Variants in L3MBTL1 observed in about 807,000 individuals in gnomAD.
The protein encoded by L3MBTL1 is lethal(3)malignant brain tumor-like protein 1.
A neutral mutation model predicts 105.3 loss-of-function variants in L3MBTL1; 75 were observed. The ratio of observed to expected loss-of-function variants is 0.71; its 90% CI spans 0.59 to 0.86. L3MBTL1 has a LOEUF of 0.86. Ranked by LOEUF, L3MBTL1 falls within the 40% of genes least tolerant of loss-of-function variation. L3MBTL1 has a pLI of 0.00. For missense variants in L3MBTL1, 1,069 were observed against 1,126.4 expected (o/e 0.95, Z 0.73); for synonymous variants, 452 against 436.2 (o/e 1.04, Z -0.45).
intron 1 of L3MBTL1, among the ~76,000 whole-genome samples, chr20:43,511,633 T>A (rs1360684524): frequency 6.6e-6 from 1 of 151,556 alleles, no homozygotes; most frequent in Admixed American, 6.6e-5. Context: ...ATACAAAAAA[T>A]AGCCAGGCTA....
chr20:43,530,355 C>T lies in L3MBTL1; in HGVS notation c.1128C>T (p.Asn376=). 1 of 1,614,162 alleles carries T rather than the reference C, an allele frequency of 6.2e-7. No homozygotes were observed. Among genetic ancestry groups the T allele is most frequent in the South Asian group, 1.1e-5 (1 of 91,080 alleles). The part of the protein sequence containing the change: ...SECHDFWVNA[N]SPDIHPAGWF... ...GCCATGACTTCTGGGTCAATGCCAA[C>T]TCCCCTGACATTCACCCTGCTGGCT... Residue 376 remains asparagine (N), a synonymous_variant, in exon 10 of 22, where the codon AAC becomes AAT. Transcript: ENST00000418998.
At chr20:43,530,568 C>T in intron 10 of L3MBTL1, 149 bp downstream of exon 10, 2 of 965,136 alleles carry the variant, frequency 2.1e-6, no homozygotes, top group South Asian at 1.7e-5. Flanking sequence ...CCTGATGACT[C>T]TGCGCTGGGG....
At chr20:43,529,462 C>T (rs2019213357) in intron 9 of L3MBTL1, 94 bp downstream of exon 9, 1 of 845,078 alleles carries the variant, frequency 1.2e-6, no homozygotes, top group Non-Finnish European at 2.0e-6. Context: ...CCTCCCTCCC[C>T]TCAGAGCACA....
At chr20:43,522,574 G>T (rs1015702398) in intron 7 of L3MBTL1, among the ~76,000 whole-genome samples, 1 of 135,352 alleles carries the variant, frequency 7.4e-6, no homozygotes, top group Non-Finnish European at 1.5e-5. Flanking sequence ...CAAGACTCAA[G>T]CCATCCTCCC....
In L3MBTL1 at chr20:43,514,912, A is replaced by G. The variant is rs1341115389; in HGVS notation, c.503-97A>G. On this transcript the variant is annotated intron_variant, in intron 4 of 21. Coordinates refer to ENST00000418998, the MANE Select transcript of L3MBTL1 (RefSeq NM_001377303.1). The stretch of plus-strand genomic sequence containing the variant: ...CTGGAGGAGGCCATCCGATGCGGAG[A>G]TGGACCGAGGCGGAGGCAGGGCCTG... The G allele has an allele frequency of 1.5e-5, 22 of 1,499,352 alleles. 1 individual carries two copies. In the East Asian group the frequency reaches 4.5e-4, roughly 31 times the overall value. 92.9% of individuals were successfully genotyped at this position (1,499,352 alleles called of 1,614,324 possible).
chr20:43,521,122 G>T (rs770700239), intron 7 of L3MBTL1, among the ~76,000 whole-genome samples: 3 of 152,290 alleles, frequency 2.0e-5, no homozygotes, highest in East Asian at 3.9e-4. Context: ...TAAACTTTCA[G>T]TGTCTTAAAA....
chr20:43,540,865 A>G (rs772350540), intron 21 of L3MBTL1, 50 bp downstream of exon 21: 2 of 1,612,996 alleles, frequency 1.2e-6, no homozygotes, highest in Non-Finnish European at 1.7e-6. Context: ...ACTGTCCTTA[A>G]GACGGCAGGA....
chr20:43,513,810 T>G, intron 2 of L3MBTL1, 28 bp from the exon 3 acceptor site: 1 of 1,544,632 alleles, frequency 6.5e-7, no homozygotes. Flanking sequence ...CTCACCTGTG[T>G]CGTGTCTATT....
intron 7 of L3MBTL1, among the ~76,000 whole-genome samples, chr20:43,517,027 G>C (rs938034571): frequency 6.0e-5 from 9 of 150,936 alleles, no homozygotes; most frequent in Non-Finnish European, 1.2e-4. Flanking sequence ...GAACTCCTGG[G>C]CTCAAGCAGT....
At position 43,516,146 on chromosome 20, in the gene L3MBTL1, A is replaced by G. The variant is rs2018378004; in HGVS notation, c.831A>G (p.Pro277=). ...AGGGACAACCCACTGCTAGCACCCC[A>G]GAGAGTGAGGAGTGGAGCAGCAGCC... ...DPEGQPTAST[P]ESEEWSSSQP... is the part of the protein sequence containing the mutation. Residue 277 remains proline, a synonymous_variant, in exon 7 of 22, where the codon CCA becomes CCG. Coordinates refer to ENST00000418998, the MANE Select transcript of L3MBTL1 (RefSeq NM_001377303.1). 1 of 1,614,096 alleles carries G rather than the reference A, an allele frequency of 6.2e-7. No individual in the cohort carries two copies. The highest frequency in any genetic ancestry group is 8.5e-7 in the Non-Finnish European group (1 of 1,179,962).
At chr20:43,545,373 A>C (rs1978526447), downstream of L3MBTL1, among the ~76,000 whole-genome samples, 2 of 152,034 alleles carry the variant, frequency 1.3e-5, no homozygotes, top group Admixed American at 6.5e-5. Context: ...TTAAAAAAAA[A>C]AAAAAAAGGT....
At chr20:43,519,842 T>C (rs1379994354) in intron 7 of L3MBTL1, among the ~76,000 whole-genome samples, 1 of 152,190 alleles carries the variant, frequency 6.6e-6, no homozygotes, top group African/African-American at 2.4e-5. Flanking sequence ...AGCAGAAAGT[T>C]CGTTTTGATG....
At chr20:43,514,169 T>G (rs1189332202) in intron 3 of L3MBTL1, 108 bp downstream of exon 3, 1 of 1,011,930 alleles carries the variant, frequency 9.9e-7, no homozygotes, top group African/African-American at 1.6e-5. Flanking sequence ...CTGGCTCAGA[T>G]GATGGGCCCT....
chr20:43,530,769 G>T lies in L3MBTL1; in HGVS notation c.1193-29G>T, dbSNP rs772436752. On this transcript the variant is annotated intron_variant, in intron 10 of 21. Transcript: ENST00000418998. Reference sequence around the variant, plus strand: ...TGCTGTGGCCCAGCCTCTGCACGGCGCTCTGTTCATGCCCCTCGAGGGGCC... The same window carrying T: ...TGCTGTGGCCCAGCCTCTGCACGGCTCTCTGTTCATGCCCCTCGAGGGGCC... 5.0e-6 allele frequency: 8 copies of T among 1,604,964 alleles called. No homozygotes were observed. The South Asian group carries it at 8.8e-5, about 18-fold the overall frequency.
At position 43,514,715 on chromosome 20, in the gene L3MBTL1, G is replaced by A; in HGVS notation, c.441G>A (p.Val147=). The A allele has an allele frequency of 1.3e-6, 2 of 1,580,310 alleles. No homozygotes were observed. Among genetic ancestry groups the A allele is most frequent in the Non-Finnish European group, 1.7e-6 (2 of 1,163,406 alleles). Residue 147 remains valine (V), a synonymous_variant, in exon 4 of 22, where the codon GTG becomes GTA. Transcript: ENST00000418998. The part of the protein sequence containing the change: ...PPSPELRQEG[V]TEYEDGGAPA... ...GCCCCGAGCTGCGGCAGGAAGGCGTGACCGAATACGAAGATGGCGGGGCCC... is the reference window on the plus strand; with the variant it reads ...GCCCCGAGCTGCGGCAGGAAGGCGTAACCGAATACGAAGATGGCGGGGCCC...
chr20:43,511,281 C>T (rs1240618848), intron 1 of L3MBTL1, among the ~76,000 whole-genome samples: 2 of 152,188 alleles, frequency 1.3e-5, no homozygotes, highest in East Asian at 3.8e-4. Context: ...TTATTAAGCA[C>T]CTACTATGTG....
At chr20:43,514,232 T>A (rs2018233009) in intron 3 of L3MBTL1, among the ~76,000 whole-genome samples, 171 bp downstream of exon 3, 1 of 151,596 alleles carries the variant, frequency 6.6e-6, no homozygotes, top group Non-Finnish European at 1.5e-5. Context: ...GTTGAAGCAC[T>A]CCTAGGCCCT....
intron 7 of L3MBTL1, among the ~76,000 whole-genome samples, chr20:43,524,147 TA>T (rs895667415): frequency 1.3e-5 from 2 of 152,274 alleles, no homozygotes; most frequent in African/African-American, 2.4e-5. Context: ...ATTTGTCTTT[TA>T]AAAAAAATTT....
intron 7 of L3MBTL1, 116 bp downstream of exon 7, chr20:43,516,293 A>C (rs961656495): frequency 2.1e-5 from 16 of 744,722 alleles, no homozygotes; most frequent in Middle Eastern, 4.6e-4. Flanking sequence ...ATAAATGAGC[A>C]TGAGTTAGTG....
Sources: gnomAD v4.1 joint callset for allele counts (sites outside exome capture counted in the v4.1 genomes callset) on GRCh38, gnomAD v4.1.1 for gene constraint, MANE v1.5 for transcripts, NCBI Gene and HGNC (gene_info 2026-07-23, HGNC 2026-07-21) for gene names.